KCNQ1: variants seen among roughly 807,000 people sequenced by gnomAD.
KCNQ1 encodes potassium voltage-gated channel subfamily KQT member 1.
KCNQ1 carries 49 observed loss-of-function variants against 72.4 expected under a neutral mutation model. The observed-to-expected ratio is 0.68, with a 90% CI of 0.54 to 0.86. The LOEUF (loss-of-function observed/expected upper bound fraction) is 0.86. Among genes scored for constraint, KCNQ1 ranks in the 40% least tolerant of loss-of-function variants. The pLI, the probability that KCNQ1 is intolerant of heterozygous loss-of-function variation, is 0.00. For synonymous variants in KCNQ1, 450 were observed against 412.6 expected (o/e 1.09, Z -1.10); for missense variants, 790 against 945.1 (o/e 0.84, Z 2.15).
Position 2,695,566 on chromosome 11 carries a change from G to GCA in KCNQ1, c.1514+33494_1514+33495dup, listed in dbSNP as rs1488334043. The GCA allele has an allele frequency of 1.0e-5, 4 of 398,466 alleles. No homozygotes were observed. Among genetic ancestry groups the GCA allele is most frequent in the Non-Finnish European group, 1.8e-5 (4 of 226,092 alleles). The allele number at this position is 398,466 out of a possible 1,614,324, so 24.7% of individuals were successfully genotyped here. ...CTATGGGCCATGCTGCCCTGAGCATGCACACACACAGCCTCTCGTTGTTCT... is the reference window on the plus strand; with the variant it reads ...CTATGGGCCATGCTGCCCTGAGCATGCACACACACACAGCCTCTCGTTGTTCT... On this transcript the variant is annotated intron_variant, in intron 11 of 15. Transcript: ENST00000155840. The surrounding 1 kb of genome is among the most constrained non-coding windows in gnomAD (Gnocchi z 5.2).
Position 2,662,098 on chromosome 11 carries a change from G to C in KCNQ1, c.1514+17G>C. ...CATCTCACAGTGAGTGCCTACATGTGCGTGAAGGGCTGGGCTGGAGGGGAC... is the reference window on the plus strand; with the variant it reads ...CATCTCACAGTGAGTGCCTACATGTCCGTGAAGGGCTGGGCTGGAGGGGAC... On this transcript the variant is annotated intron_variant, in intron 11 of 15. Coordinates refer to ENST00000155840, the MANE Select transcript of KCNQ1 (RefSeq NM_000218.3). The C allele has an allele frequency of 1.9e-6, 3 of 1,614,144 alleles. No homozygotes were observed. Among genetic ancestry groups the C allele is most frequent in the Non-Finnish European group, 2.5e-6 (3 of 1,180,024 alleles).
At chr11:2,838,037 G>A (rs976346823) in intron 15 of KCNQ1, among the ~76,000 whole-genome samples, 3 of 152,250 alleles carry the variant, frequency 2.0e-5, no homozygotes, top group South Asian at 2.1e-4. Flanking sequence ...GTGGCAACGT[G>A]GGACAGACTG....
intron 11 of KCNQ1, among the ~76,000 whole-genome samples, chr11:2,714,371 T>C (rs910237169): frequency 3.3e-5 from 5 of 151,792 alleles, no homozygotes; most frequent in African/African-American, 1.2e-4. Flanking sequence ...GCTCTGGTAC[T>C]CTCCTGGGTT....
rs1847865996 is a variant in KCNQ1 at position 2,544,226 on chromosome 11, A to ATATATATATATATGTGTGTGTG, written c.477+16219_477+16220insATGTGTGTGTGTATATATATAT. ...TCTGATCAATGAGATTATCTATCTCATATATATATATGTGTGTGTGTGTAT... is the reference window on the plus strand; with the variant it reads ...TCTGATCAATGAGATTATCTATCTCATATATATATATATGTGTGTGTGTATATATATATGTGTGTGTGTGTAT... On this transcript the variant is annotated intron_variant, in intron 2 of 15. Transcript: ENST00000155840. This position sits in a 1 kb window ranked among gnomAD's most constrained non-coding sequence, Gnocchi z 4.4. Among the ~76,000 whole-genome samples the ATATATATATATATGTGTGTGTG allele has an allele frequency of 3.4e-5, 5 of 147,578 alleles. No homozygotes were observed. The South Asian group carries it at 1.1e-3, about 31-fold the overall frequency.
chr11:2,643,234 ATCTG>A, intron 10 of KCNQ1: 1 of 398,218 alleles, frequency 2.5e-6, no homozygotes. Flanking sequence ...TGTCTAGATG[ATCTG>A]TCTAATACTG....
In KCNQ1 at chr11:2,711,601, C is replaced by T. The variant is rs550300185; in HGVS notation, c.1514+49520C>T. Among the ~76,000 whole-genome samples, 17 of 152,234 alleles carry T rather than the reference C, an allele frequency of 1.1e-4. No individual in the cohort carries two copies. Among genetic ancestry groups the T allele is most frequent in the African/African-American group, 3.9e-4 (16 of 41,528 alleles). On this transcript the variant is annotated intron_variant, in intron 11 of 15. Transcript: ENST00000155840. This position sits in a 1 kb window ranked among gnomAD's most constrained non-coding sequence, Gnocchi z 5.4. ...CTATCCCACCAACCTCTGTACCCCA[C>T]GGCCATGCACAAGGCACAGGGTCCC...
chr11:2,505,960 A>C (rs1266456609), intron 1 of KCNQ1, among the ~76,000 whole-genome samples: 2 of 152,208 alleles, frequency 1.3e-5, no homozygotes, highest in African/African-American at 2.4e-5. Context: ...TTTGATATAC[A>C]GACTTTACAT....
chr11:2,467,404 T>C (rs1466525438), intron 1 of KCNQ1, among the ~76,000 whole-genome samples: 27 of 151,976 alleles, frequency 1.8e-4, no homozygotes, highest in Admixed American at 1.8e-3. Flanking sequence ...CAGCCAGGGA[T>C]GGTGTGGGGC....
intron 11 of KCNQ1, among the ~76,000 whole-genome samples, chr11:2,741,235 A>T (rs1244867328): frequency 6.6e-6 from 1 of 152,066 alleles, no homozygotes; most frequent in African/African-American, 2.4e-5. Flanking sequence ...GAGTGTGAGG[A>T]CAGGGCCTCC....
chr11:2,567,712 A>G lies in KCNQ1; in HGVS notation c.478-2916A>G, dbSNP rs892230010. Among the ~76,000 whole-genome samples the G allele has an allele frequency of 2.0e-5, 3 of 152,140 alleles. No individual in the cohort carries two copies. The highest frequency in any genetic ancestry group is 7.2e-5 in the African/African-American group (3 of 41,434). On this transcript the variant is annotated intron_variant, in intron 2 of 15. Coordinates refer to ENST00000155840, the MANE Select transcript of KCNQ1 (RefSeq NM_000218.3). This position sits in a 1 kb window ranked among gnomAD's most constrained non-coding sequence, Gnocchi z 6.6. ...ATGCAGCCTTGCACTGCCTTCCCACATCCAGCTGGATTTGGGGATCAGTGT... is the reference window on the plus strand; with the variant it reads ...ATGCAGCCTTGCACTGCCTTCCCACGTCCAGCTGGATTTGGGGATCAGTGT...
intron 1 of KCNQ1, chr11:2,521,422 G>A (rs776554194): frequency 6.7e-6 from 3 of 447,450 alleles, no homozygotes; most frequent in Non-Finnish European, 1.4e-5. Flanking sequence ...TTCCATGCAT[G>A]ATGCTTTCAG....
At position 2,478,196 on chromosome 11, in the gene KCNQ1, ACACAGTGG is replaced by A. The variant is rs1846600616; in HGVS notation, c.386+32714_386+32721del. Among the ~76,000 whole-genome samples, 1 of 152,242 alleles carries A rather than the reference ACACAGTGG, an allele frequency of 6.6e-6. No homozygotes were observed. The highest frequency in any genetic ancestry group is 6.5e-5 in the Admixed American group (1 of 15,288). On this transcript the variant is annotated intron_variant, in intron 1 of 15. Transcript: ENST00000155840. This position sits in a 1 kb window ranked among gnomAD's most constrained non-coding sequence, Gnocchi z 4.0. ...GGCAAACCCACATGGAGGGAGACACACACAGTGGCCTGAATACTTTGAAAATGCCAGGG... is the reference window on the plus strand; with the variant it reads ...GGCAAACCCACATGGAGGGAGACACACCTGAATACTTTGAAAATGCCAGGG...
Position 2,627,116 on chromosome 11 carries a change from A to G in KCNQ1, c.1394-34845A>G, listed in dbSNP as rs930917715. 1.0e-5 allele frequency: 4 copies of G among 398,236 alleles called. No homozygotes were observed. Among genetic ancestry groups the G allele is most frequent in the African/African-American group, 8.2e-5 (4 of 48,546 alleles). 24.7% of individuals were successfully genotyped at this position (398,236 alleles called of 1,614,324 possible). ...CTTTCAGCATTGTTTTGTAATTTTC[A>G]TTGTACAAGACTTTCACCTCCTTGG... On this transcript the variant is annotated intron_variant, in intron 10 of 15. Transcript: ENST00000155840. The surrounding 1 kb of genome is among the most constrained non-coding windows in gnomAD (Gnocchi z 4.9).
At position 2,558,963 on chromosome 11, in the gene KCNQ1, G is replaced by A. The variant is rs754002703; in HGVS notation, c.478-11665G>A. ...AGCCTCCCCCACTACACCCACACAT[G>A]GGGCCAGCTGCCTTGAGCACCTCCT... On this transcript the variant is annotated intron_variant, in intron 2 of 15. Coordinates refer to ENST00000155840, the MANE Select transcript of KCNQ1 (RefSeq NM_000218.3). 8.5e-4 allele frequency among the ~76,000 whole-genome samples: 129 copies of A among 152,222 alleles called. 1 individual carries two copies. Among genetic ancestry groups the A allele is most frequent in the South Asian group, 8.3e-4 (4 of 4,822 alleles).
chr11:2,732,988 C>T (rs1448320389), intron 11 of KCNQ1, among the ~76,000 whole-genome samples: 1 of 152,138 alleles, frequency 6.6e-6, no homozygotes, highest in Non-Finnish European at 1.5e-5. Context: ...GGCAGCAAGC[C>T]AGCCAGGGTC....
intron 15 of KCNQ1, among the ~76,000 whole-genome samples, chr11:2,820,568 T>C (rs1349770758): frequency 6.6e-6 from 1 of 151,216 alleles, no homozygotes; most frequent in African/African-American, 2.5e-5. Context: ...ACCTTGCTGT[T>C]TGTTTGTTTG....
intron 15 of KCNQ1, among the ~76,000 whole-genome samples, chr11:2,838,421 T>C (rs1170595113): frequency 6.6e-6 from 1 of 151,534 alleles, no homozygotes; most frequent in Non-Finnish European, 1.5e-5. Flanking sequence ...GAGCGGACTC[T>C]GGCATTGATC....
chr11:2,734,308 A>G lies in KCNQ1; in HGVS notation c.1515-34536A>G, dbSNP rs1203897953. 6.6e-6 allele frequency among the ~76,000 whole-genome samples: 1 copy of G among 152,268 alleles called. No individual in the cohort carries two copies. The highest frequency in any genetic ancestry group is 2.4e-5 in the African/African-American group (1 of 41,476). ...GGGCAGGGGTGGCCAAAAGGCGCCT[A>G]GAAGGCTGGACTTTCCGTGAGGTGG... On this transcript the variant is annotated intron_variant, in intron 11 of 15. Coordinates refer to ENST00000155840, the MANE Select transcript of KCNQ1 (RefSeq NM_000218.3). The surrounding 1 kb of genome is among the most constrained non-coding windows in gnomAD (Gnocchi z 7.0).
intron 10 of KCNQ1, chr11:2,635,184 A>G (rs1307023142): frequency 1.3e-5 from 2 of 152,088 alleles, no homozygotes; most frequent in Admixed American, 1.3e-4. Flanking sequence ...TCTTTAGTTT[A>G]ATTAGATCCC....
Sources: allele counts gnomAD v4.1 joint callset (sites outside exome capture counted in the v4.1 genomes callset), GRCh38; gene constraint gnomAD v4.1.1; non-coding constraint Gnocchi (gnomAD v3.1); transcripts MANE v1.5; gene names NCBI Gene and HGNC (gene_info 2026-07-23, HGNC 2026-07-21).